The following FAM135A variants were observed in gnomAD, a reference collection of about 807,000 sequenced individuals.
The protein encoded by FAM135A is family with sequence similarity 135 member A, also known as protein FAM135A.
A neutral mutation model predicts 146.8 loss-of-function variants in FAM135A; 79 were observed. The observed-to-expected ratio is 0.54, with a 90% confidence interval of 0.45 to 0.65. The LOEUF (loss-of-function observed/expected upper bound fraction) is 0.65. Among genes scored for constraint, FAM135A ranks in the 30% least tolerant of loss-of-function variants. The probability of loss-of-function intolerance (pLI) is 0.00; values close to 1 mark genes in which losing one functional copy is unlikely to be tolerated. For synonymous variants in FAM135A, 562 were observed against 603.6 expected, an observed-to-expected ratio of 0.93 and a Z score of 1.01; for missense variants, 1,623 against 1,758.2, an observed-to-expected ratio of 0.92 and a Z score of 1.38.
chr6:70,468,364 A>C (rs1448226773), intron 5 of FAM135A, among the ~76,000 whole-genome samples: 1 of 152,170 alleles, frequency 6.6e-6, no homozygotes, highest in African/African-American at 2.4e-5. Context: ...GACAGTGCAA[A>C]AGTTACATAG....
intron 4 of FAM135A, among the ~76,000 whole-genome samples, chr6:70,432,425 T>G (rs951708267): frequency 6.6e-5 from 10 of 152,292 alleles, no homozygotes; most frequent in African/African-American, 2.4e-4. Context: ...AAATTAAATT[T>G]GTTAAGTAAA....
At chr6:70,524,310 T>C in intron 14 of FAM135A, 33 bp from the exon 15 acceptor site, 4 of 1,459,222 alleles carry the variant, frequency 2.7e-6, no homozygotes, top group Non-Finnish European at 3.6e-6. Flanking sequence ...ACACCTTGTT[T>C]TAAACCTGAA....
At chr6:70,531,897 T>TC (rs1795879064) in intron 16 of FAM135A, among the ~76,000 whole-genome samples, 1 of 137,318 alleles carries the variant, frequency 7.3e-6, no homozygotes, top group Non-Finnish European at 1.5e-5. Flanking sequence ...TCTTTTTTTT[T>TC]TTTTTTTTTT....
chr6:70,443,143 T>A (rs549516857), intron 4 of FAM135A, among the ~76,000 whole-genome samples: 1 of 152,300 alleles, frequency 6.6e-6, no homozygotes, highest in South Asian at 2.1e-4. Context: ...GGTTGTGCCA[T>A]TTTTGATCTC....
chr6:70,457,234 A>G (rs1018272992), intron 5 of FAM135A, among the ~76,000 whole-genome samples: 9 of 152,178 alleles, frequency 5.9e-5, no homozygotes, highest in African/African-American at 2.2e-4. Flanking sequence ...CATGACTGAT[A>G]CATTTTCTGT....
chr6:70,559,003 T>A (rs1230417808), intron 21 of FAM135A, among the ~76,000 whole-genome samples: 1 of 152,230 alleles, frequency 6.6e-6, no homozygotes, highest in Non-Finnish European at 1.5e-5. Flanking sequence ...CTTTAAAGTA[T>A]TTGCTGTAGG....
chr6:70,416,720 G>A (rs889566502), intron 2 of FAM135A, among the ~76,000 whole-genome samples: 5 of 152,112 alleles, frequency 3.3e-5, no homozygotes. Context: ...GAGGCCAGGA[G>A]TTCAAGACCA....
intron 18 of FAM135A, among the ~76,000 whole-genome samples, chr6:70,535,430 G>T (rs1221976364): frequency 6.6e-6 from 1 of 152,164 alleles, no homozygotes; most frequent in African/African-American, 2.4e-5. Context: ...GGAGCACTGG[G>T]GCGGGTGAGC....
intron 4 of FAM135A, among the ~76,000 whole-genome samples, chr6:70,452,201 G>A (rs1006139115): frequency 3.3e-5 from 5 of 151,844 alleles, no homozygotes; most frequent in Non-Finnish European, 7.4e-5. Flanking sequence ...GTTCTTAGAC[G>A]CTTTTCTATT....
intron 4 of FAM135A, among the ~76,000 whole-genome samples, chr6:70,449,979 T>C (rs972078997): frequency 2.0e-5 from 3 of 152,194 alleles, no homozygotes; most frequent in African/African-American, 7.2e-5. Flanking sequence ...GTGATTCTTA[T>C]GGTATTGATT....
rs1202739072 is a variant in FAM135A, at chr6:70,559,705, T to G, written c.4343-11T>G. 9 of 1,584,544 alleles carry G rather than the reference T, an allele frequency of 5.7e-6. No homozygotes were observed. Among genetic ancestry groups the G allele is most frequent in the Non-Finnish European group, 7.7e-6 (9 of 1,163,298 alleles). On this transcript the variant is annotated splice_polypyrimidine_tract_variant and intron_variant, in intron 21 of 21. Transcript: ENST00000418814. ...GTGAACTAATTTTCCTTTTTTCTGT[T>G]GGTTCCATAGGACAGATCTATTCAG...
intron 4 of FAM135A, among the ~76,000 whole-genome samples, chr6:70,436,981 A>G (rs1256200396): frequency 1.3e-5 from 2 of 152,212 alleles, no homozygotes; most frequent in Non-Finnish European, 2.9e-5. Flanking sequence ...AGAAATGTCT[A>G]TATGAAAATC....
At chr6:70,426,416 G>A (rs187711319) in intron 2 of FAM135A, 23 bp from the exon 3 acceptor site, 1 of 152,214 alleles carries the variant, frequency 6.6e-6, no homozygotes, top group African/African-American at 2.4e-5. Flanking sequence ...TTTGGTTTGA[G>A]ATGTTACTTT....
chr6:70,459,223 C>T (rs181063299), intron 5 of FAM135A, among the ~76,000 whole-genome samples: 3 of 152,126 alleles, frequency 2.0e-5, no homozygotes, highest in East Asian at 3.9e-4. Flanking sequence ...TTCCTTCCAG[C>T]GCTAAATTTT....
Position 70,475,771 on chromosome 6 carries a change from A to T in FAM135A, c.368+38A>T. 4.7e-6 allele frequency: 7 copies of T among 1,474,348 alleles called. 2 individuals are homozygous for T. The Middle Eastern group carries it at 1.3e-3, about 264-fold the overall frequency. The allele number at this position is 1,474,348 out of a possible 1,614,324, so 91.3% of individuals were successfully genotyped here. On this transcript the variant is annotated intron_variant, in intron 7 of 21. Coordinates refer to ENST00000418814, the MANE Select transcript of FAM135A (RefSeq NM_001162529.3). ...TCAATTAAAAAACCTTTAGGCACTT[A>T]TGACTGTTATTTGTTATTATTAGAT...
intron 20 of FAM135A, among the ~76,000 whole-genome samples, chr6:70,541,238 C>T (rs550393918): frequency 1.3e-5 from 2 of 152,206 alleles, no homozygotes; most frequent in African/African-American, 4.8e-5. Context: ...TTATTCTGTA[C>T]TTGTCCCCCT....
chr6:70,554,415 G>A (rs1023355538), intron 20 of FAM135A, among the ~76,000 whole-genome samples: 2 of 152,194 alleles, frequency 1.3e-5, no homozygotes, highest in African/African-American at 4.8e-5. Context: ...CATTGTCTAG[G>A]TCATTGGTGA....
Position 70,489,864 on chromosome 6 carries a change from G to A in FAM135A, c.824-1170G>A, listed in dbSNP as rs566663061. On this transcript the variant is annotated intron_variant, in intron 10 of 21. Coordinates refer to ENST00000418814, the MANE Select transcript of FAM135A (RefSeq NM_001162529.3). ...CACTCTAGGGTGAGTTATTGGAGGA[G>A]TGCACATGCTTCAGGGTCGCAGGAG... Among the ~76,000 whole-genome samples, 203 of 152,178 alleles carry A rather than the reference G, an allele frequency of 1.3e-3. 1 individual carries two copies. The highest frequency in any genetic ancestry group is 4.0e-4 in the Non-Finnish European group (27 of 67,998).
intron 20 of FAM135A, among the ~76,000 whole-genome samples, chr6:70,548,125 C>T (rs1342084669): frequency 6.6e-6 from 1 of 152,144 alleles, no homozygotes; most frequent in African/African-American, 2.4e-5. Flanking sequence ...AGCACTGCTC[C>T]TCTGGAGCTT....
Sources: gnomAD v4.1 joint callset for allele counts (sites outside exome capture counted in the v4.1 genomes callset) on GRCh38, gnomAD v4.1.1 for gene constraint, MANE v1.5 for transcripts, NCBI Gene and HGNC (gene_info 2026-07-23, HGNC 2026-07-21) for gene names.